CSMD1: variants seen among roughly 807,000 people sequenced by gnomAD.
CSMD1 encodes the protein CUB and sushi domain-containing protein 1.
CSMD1 carries 213 observed loss-of-function variants against 417.5 expected under a neutral mutation model. The ratio of observed to expected loss-of-function variants is 0.51; its 90% CI spans 0.46 to 0.57. CSMD1 has a LOEUF of 0.57. Among genes scored for constraint, CSMD1 ranks in the 20% least tolerant of loss-of-function variants. CSMD1 has a pLI of 0.00. For synonymous variants in CSMD1, 2,862 were observed against 1,736.8 expected (o/e 1.65, Z -16.11); for missense variants, 6,923 against 4,529.7 (o/e 1.53, Z -15.17).
chr8:4,594,197 T>TTTTTTTTTTTC (rs1800140358), intron 2 of CSMD1, among the ~76,000 whole-genome samples: 1 of 130,672 alleles, frequency 7.7e-6, no homozygotes, highest in African/African-American at 3.2e-5. Flanking sequence ...AAAGTGATCT[T>TTTTTTTTTTTC]TTTTTTTTTT....
intron 69 of CSMD1, 101 bp from the exon 70 acceptor site, chr8:2,938,845 G>C: frequency 9.8e-7 from 1 of 1,016,686 alleles, no homozygotes; most frequent in East Asian, 2.6e-5. Flanking sequence ...GCAGGGAGCA[G>C]TATAGCCAGG....
intron 2 of CSMD1, among the ~76,000 whole-genome samples, chr8:4,482,991 A>C (rs558860417): frequency 4.7e-4 from 71 of 152,156 alleles, no homozygotes; most frequent in Non-Finnish European, 8.7e-4. Context: ...TTAGGTAGTA[A>C]AATAGTTTAG....
intron 5 of CSMD1, among the ~76,000 whole-genome samples, chr8:3,978,399 T>G (rs1813607289): frequency 6.6e-6 from 1 of 152,322 alleles, no homozygotes; most frequent in Admixed American, 6.5e-5. Flanking sequence ...TTCATAGATT[T>G]CTTCCACTCA....
intron 25 of CSMD1, among the ~76,000 whole-genome samples, chr8:3,303,795 C>G (rs947833876): frequency 6.6e-6 from 1 of 152,308 alleles, no homozygotes; most frequent in Non-Finnish European, 1.5e-5. Context: ...TACCAAATAA[C>G]TTTCAATGGG....
intron 26 of CSMD1, among the ~76,000 whole-genome samples, chr8:3,270,538 T>G (rs760268357): frequency 7.2e-5 from 11 of 152,230 alleles, no homozygotes; most frequent in Admixed American, 5.2e-4. Flanking sequence ...ATCAAAATTT[T>G]AAGTGATCAA....
rs539471893 is a variant in CSMD1 at position 4,133,007 on chromosome 8, C to T, written c.416-100908G>A. Among the ~76,000 whole-genome samples, 15 of 152,252 alleles carry T rather than the reference C, an allele frequency of 9.9e-5. No individual in the cohort carries two copies. The East Asian group carries it at 2.7e-3, about 28-fold the overall frequency. ...GCAGTGCAGTGGCGCGATCTCGGCT[C>T]ACTGCAACCTCCGACTCCCGGGTTA... is the stretch of plus-strand genomic sequence containing the variant. On this transcript the variant is annotated intron_variant, in intron 3 of 69. Coordinates refer to ENST00000635120, the MANE Select transcript of CSMD1 (RefSeq NM_033225.6).
At chr8:3,036,551 A>C (rs1043651644) in intron 50 of CSMD1, among the ~76,000 whole-genome samples, 1 of 152,218 alleles carries the variant, frequency 6.6e-6, no homozygotes, top group Non-Finnish European at 1.5e-5. Context: ...CCTCATACAC[A>C]CAACTAAAGC....
chr8:3,739,523 A>T (rs1161372050), intron 6 of CSMD1, among the ~76,000 whole-genome samples: 1 of 152,222 alleles, frequency 6.6e-6, no homozygotes, highest in Non-Finnish European at 1.5e-5. Flanking sequence ...ACAAATATGT[A>T]TAATTATTAC....
At chr8:4,346,199 G>C (rs772483986) in intron 3 of CSMD1, among the ~76,000 whole-genome samples, 3 of 152,032 alleles carry the variant, frequency 2.0e-5, no homozygotes, top group Admixed American at 6.6e-5. Flanking sequence ...AATTTATCTG[G>C]ACAGCTCATT....
intron 3 of CSMD1, among the ~76,000 whole-genome samples, chr8:4,049,319 C>A (rs1328181321): frequency 1.3e-5 from 2 of 151,774 alleles, no homozygotes; most frequent in African/African-American, 2.4e-5. Context: ...ACATCTCTGG[C>A]CTCTATCTAC....
intron 6 of CSMD1, among the ~76,000 whole-genome samples, chr8:3,734,581 G>T (rs895173781): frequency 4.6e-5 from 7 of 152,086 alleles, no homozygotes; most frequent in Non-Finnish European, 1.0e-4. Context: ...CCTGGTGGCG[G>T]GCACCTATAA....
intron 1 of CSMD1, among the ~76,000 whole-genome samples, chr8:4,774,765 T>G (rs888601705): frequency 6.6e-6 from 1 of 152,114 alleles, no homozygotes; most frequent in Non-Finnish European, 1.5e-5. Context: ...CCAGGAGACC[T>G]TGTTGTTTAA....
intron 4 of CSMD1, among the ~76,000 whole-genome samples, chr8:4,013,813 T>A (rs1209241169): frequency 6.6e-6 from 1 of 152,176 alleles, no homozygotes; most frequent in Non-Finnish European, 1.5e-5. Flanking sequence ...TCTATCTGTT[T>A]AGGTGGTGTC....
chr8:3,316,729 G>C (rs967880687), intron 23 of CSMD1, among the ~76,000 whole-genome samples: 1 of 152,140 alleles, frequency 6.6e-6, no homozygotes, highest in Non-Finnish European at 1.5e-5. Context: ...GACAGGAAAG[G>C]TCACGGGAAA....
At chr8:3,108,806 T>A in intron 43 of CSMD1, 58 bp from the exon 44 acceptor site, 1 of 1,517,206 alleles carries the variant, frequency 6.6e-7, no homozygotes, top group South Asian at 1.2e-5. Flanking sequence ...GTGAGATTTA[T>A]GGAAACTTTG....
intron 2 of CSMD1, among the ~76,000 whole-genome samples, chr8:4,491,946 T>A (rs1801724598): frequency 6.6e-6 from 1 of 151,876 alleles, no homozygotes; most frequent in East Asian, 1.9e-4. Flanking sequence ...TATTCATAAT[T>A]GCCAAAAATT....
At chr8:3,524,304 CAG>C (rs764184922) in intron 10 of CSMD1, among the ~76,000 whole-genome samples, 5 of 149,860 alleles carry the variant, frequency 3.3e-5, no homozygotes, top group South Asian at 4.2e-4. Flanking sequence ...CACGTACACT[CAG>C]AGACATATGC....
intron 5 of CSMD1, among the ~76,000 whole-genome samples, chr8:3,926,768 T>G (rs2627405): frequency 0.71 from 101,730 of 144,052 alleles, 36,981 homozygotes; most frequent in African/African-American, 0.88. Context: ...CAGGGTGGAA[T>G]GCAGTGTCGT....
chr8:4,190,724 G>A (rs888128082), intron 3 of CSMD1, among the ~76,000 whole-genome samples: 1 of 152,080 alleles, frequency 6.6e-6, no homozygotes, highest in Non-Finnish European at 1.5e-5. Flanking sequence ...AAAATCATCT[G>A]AAATCACATG....
Sources: allele counts gnomAD v4.1 joint callset (sites outside exome capture counted in the v4.1 genomes callset), GRCh38; gene constraint gnomAD v4.1.1; transcripts MANE v1.5; gene names NCBI Gene and HGNC (gene_info 2026-07-23, HGNC 2026-07-21).